Variants in GPHN observed in about 807,000 individuals in gnomAD.
The protein encoded by GPHN is gephyrin.
GPHN carries 17 observed loss-of-function variants against 95.5 expected under a neutral mutation model. The observed-to-expected ratio is 0.18, with a 90% confidence interval of 0.12 to 0.27. GPHN has a LOEUF of 0.27. Among genes scored for constraint, GPHN ranks in the 10% least tolerant of loss-of-function variants. The pLI is 1.00. For missense variants in GPHN, 660 were observed against 978.1 expected (o/e 0.67, Z 4.34); for synonymous variants, 320 against 322.5 (o/e 0.99, Z 0.08).
chr14:66,599,392 A>ATTTCTTTTTTTTTTTTTTTTTTTTTTTT (rs1555357374), intron 1 of GPHN, among the ~76,000 whole-genome samples: 4 of 76,520 alleles, frequency 5.2e-5, no homozygotes, highest in African/African-American at 2.2e-4. Flanking sequence ...TTTTTTTTGC[A>ATTTCTTTTTTTTTTTTTTTTTTTTTTTT]TTTTTTTTTT....
At chr14:67,320,908 A>G in the GPHN span, 1 of 662,022 alleles carries the variant, frequency 1.5e-6, no homozygotes. Context: ...AAATAAAAAC[A>G]ATGTTAAACA....
At chr14:66,685,167 G>A (rs1170466526) in intron 2 of GPHN, among the ~76,000 whole-genome samples, 1 of 152,114 alleles carries the variant, frequency 6.6e-6, no homozygotes, top group African/African-American at 2.4e-5. Context: ...CATTTGGGTT[G>A]GTTCCAAGTC....
At chr14:67,532,254 T>C in the GPHN span, among the ~76,000 whole-genome samples, 1 of 152,178 alleles carries the variant, frequency 6.6e-6, no homozygotes, top group Admixed American at 6.5e-5. Context: ...GTGTTCTTCA[T>C]GGTGCCTGGG....
the GPHN span, among the ~76,000 whole-genome samples, chr14:67,524,329 T>C: frequency 1.3e-5 from 2 of 152,170 alleles, no homozygotes; most frequent in Non-Finnish European, 2.9e-5. Flanking sequence ...CTGTCGTAAC[T>C]GCTAATTTTT....
chr14:67,188,887 C>T, the GPHN span, among the ~76,000 whole-genome samples: 3 of 149,762 alleles, frequency 2.0e-5, no homozygotes, highest in African/African-American at 7.4e-5. Flanking sequence ...AATGGGGTAT[C>T]ACTGTGTTGC....
intron 8 of GPHN, among the ~76,000 whole-genome samples, chr14:66,943,358 T>C (rs2067536859): frequency 6.6e-6 from 1 of 152,200 alleles, no homozygotes; most frequent in Admixed American, 6.5e-5. Context: ...ACCTGATAAG[T>C]TGTTTTCATT....
the GPHN span, among the ~76,000 whole-genome samples, chr14:67,357,411 T>C: frequency 1.3e-5 from 2 of 152,184 alleles, no homozygotes; most frequent in African/African-American, 4.8e-5. Context: ...CTGCCAGCCA[T>C]GGGGAAAATA....
At chr14:67,208,896 CAAAAAAAAAAAAAGAA>C in the GPHN span, among the ~76,000 whole-genome samples, 3 of 65,700 alleles carry the variant, frequency 4.6e-5, no homozygotes, top group Non-Finnish European at 9.2e-5. Context: ...AACTCTGTCT[CAAAAAAAAAAAAAGAA>C]AAGAAAAAAA....
intron 3 of GPHN, among the ~76,000 whole-genome samples, chr14:66,793,539 G>A (rs375633441): frequency 2.0e-5 from 3 of 152,094 alleles, no homozygotes; most frequent in Non-Finnish European, 4.4e-5. Context: ...GCAATCTTTT[G>A]TTGGGTTTTG....
the GPHN span, among the ~76,000 whole-genome samples, chr14:67,607,755 T>C: frequency 1.8e-4 from 27 of 152,186 alleles, no homozygotes; most frequent in Non-Finnish European, 3.8e-4. Flanking sequence ...CCCTCTGCCA[T>C]CCCAGGCTCT....
the GPHN span, chr14:67,573,527 G>A: frequency 1.5e-6 from 1 of 651,988 alleles, no homozygotes. This position sits in a 1 kb window ranked among gnomAD's most constrained non-coding sequence, Gnocchi z 4.8. Flanking sequence ...CAACCTCACT[G>A]GGCCCCTGAG....
chr14:67,471,651 T>C, the GPHN span: 1 of 150,038 alleles, frequency 6.7e-6, no homozygotes, highest in Non-Finnish European at 1.5e-5. Flanking sequence ...GGAAATACCC[T>C]TCGTTCTGCT....
the GPHN span, among the ~76,000 whole-genome samples, chr14:67,532,663 G>A: frequency 7.2e-5 from 11 of 152,084 alleles, no homozygotes; most frequent in African/African-American, 1.2e-4. Context: ...GTCCAGCCTG[G>A]GCAACATAGC....
At chr14:66,543,543 C>G (rs983346878) in intron 1 of GPHN, among the ~76,000 whole-genome samples, 1 of 152,182 alleles carries the variant, frequency 6.6e-6, no homozygotes, top group Non-Finnish European at 1.5e-5. Flanking sequence ...CACATATATA[C>G]ACCTATGTCT....
At chr14:67,199,517 G>C in the GPHN span, 10 of 1,612,538 alleles carry the variant, frequency 6.2e-6, no homozygotes, top group Non-Finnish European at 5.9e-6. Context: ...TGCTTCATTT[G>C]ATGCTTCAGT....
intron 1 of GPHN, among the ~76,000 whole-genome samples, chr14:66,578,632 C>G (rs2061004640): frequency 6.9e-6 from 1 of 145,100 alleles, no homozygotes; most frequent in African/African-American, 2.6e-5. Context: ...TCAACAGAAA[C>G]CCTGCAGGTC....
chr14:66,584,800 T>C (rs1300720758), intron 1 of GPHN, among the ~76,000 whole-genome samples: 1 of 152,206 alleles, frequency 6.6e-6, no homozygotes, highest in Non-Finnish European at 1.5e-5. Context: ...CAGTATTTTA[T>C]TGAGGATTTT....
chr14:67,685,022 G>T, the GPHN span: 11 of 1,607,432 alleles, frequency 6.8e-6, no homozygotes, highest in Admixed American at 1.7e-5. Flanking sequence ...TACCTGAAAT[G>T]ATTCCCACTT....
At chr14:67,424,054 A>G in the GPHN span, among the ~76,000 whole-genome samples, 2,161 of 152,202 alleles carry the variant, frequency 0.014, 59 homozygotes, top group African/African-American at 0.049. Context: ...CCTGACCAAC[A>G]TGGAGAAACC....
Sources: allele counts gnomAD v4.1 joint callset (sites outside exome capture counted in the v4.1 genomes callset), GRCh38; gene constraint gnomAD v4.1.1; non-coding constraint Gnocchi (gnomAD v3.1); transcripts MANE v1.5; gene names NCBI Gene and HGNC (gene_info 2026-07-23, HGNC 2026-07-21).